The following ENOX1 variants were observed in gnomAD, a reference collection of about 807,000 sequenced individuals.
The protein encoded by ENOX1 is ecto-NOX disulfide-thiol exchanger 1, also known as candidate growth-related and time keeping constitutive hydroquinone (NADH) oxidase.
ENOX1 carries 42 observed loss-of-function variants against 82.5 expected under a neutral mutation model. The observed-to-expected ratio is 0.51, with a 90% CI of 0.40 to 0.66. The LOEUF is 0.66. ENOX1 is among the 30% of genes least tolerant of loss of function. The pLI is 0.00. For synonymous variants in ENOX1, 271 were observed against 282.2 expected (o/e 0.96, Z 0.40); for missense variants, 608 against 811.6 (o/e 0.75, Z 3.05).
At chr13:43,586,715 G>A (rs1429914717) in intron 2 of ENOX1, among the ~76,000 whole-genome samples, 4 of 152,040 alleles carry the variant, frequency 2.6e-5, no homozygotes, top group Non-Finnish European at 5.9e-5. Context: ...GTTGATACCC[G>A]CCCAGTCAGA....
chr13:43,295,046 G>C (rs1221768698), intron 12 of ENOX1, among the ~76,000 whole-genome samples: 1 of 152,190 alleles, frequency 6.6e-6, no homozygotes. Flanking sequence ...TTACGTGACT[G>C]TATGCATTTG....
chr13:43,377,876 G>C (rs891261532), intron 5 of ENOX1, among the ~76,000 whole-genome samples: 1 of 152,106 alleles, frequency 6.6e-6, no homozygotes, highest in Non-Finnish European at 1.5e-5. Flanking sequence ...CAGAACACAG[G>C]ACAAGATGGA....
chr13:43,297,744 G>C (rs2046355632), intron 12 of ENOX1, among the ~76,000 whole-genome samples: 1 of 151,900 alleles, frequency 6.6e-6, no homozygotes, highest in Non-Finnish European at 1.5e-5. Flanking sequence ...TTTAAATTCA[G>C]TATGCCAGGA....
At chr13:43,574,725 C>G (rs1209504851) in intron 2 of ENOX1, among the ~76,000 whole-genome samples, 1 of 152,146 alleles carries the variant, frequency 6.6e-6, no homozygotes, top group Non-Finnish European at 1.5e-5. Flanking sequence ...ATCTGCCATG[C>G]CTGAATTATC....
chr13:43,544,271 T>C (rs796216739), intron 2 of ENOX1: 30 of 152,346 alleles, frequency 2.0e-4, no homozygotes, highest in African/African-American at 7.2e-4. Flanking sequence ...TCTCTCTGAG[T>C]GCCAGTTTCT....
chr13:43,389,638 AAGAT>A, intron 5 of ENOX1, among the ~76,000 whole-genome samples: 1 of 152,322 alleles, frequency 6.6e-6, no homozygotes, highest in Non-Finnish European at 1.5e-5. Context: ...GGAAGAAAGA[AAGAT>A]AGATATTATT....
chr13:43,348,071 G>A (rs753643514), intron 8 of ENOX1, among the ~76,000 whole-genome samples: 3 of 152,098 alleles, frequency 2.0e-5, no homozygotes, highest in African/African-American at 4.8e-5. Flanking sequence ...ACAGCACGGC[G>A]TGCCTCCCTG....
chr13:43,713,660 T>C (rs2087896104), intron 1 of ENOX1, among the ~76,000 whole-genome samples: 1 of 152,122 alleles, frequency 6.6e-6, no homozygotes, highest in African/African-American at 2.4e-5. Context: ...ATTTGTCGAG[T>C]AATTTATCCA....
At chr13:43,408,645 A>G (rs139549897) in intron 5 of ENOX1, among the ~76,000 whole-genome samples, 120 of 150,720 alleles carry the variant, frequency 8.0e-4, no homozygotes, top group African/African-American at 2.8e-3. Flanking sequence ...ATAGTGCTGC[A>G]CACCAGGTAC....
At chr13:43,263,827 T>C (rs1355401474) in intron 14 of ENOX1, among the ~76,000 whole-genome samples, 1 of 152,194 alleles carries the variant, frequency 6.6e-6, no homozygotes, top group East Asian at 1.9e-4. Flanking sequence ...TGGCTGTGTG[T>C]GGAGTGGATA....
At chr13:43,693,576 T>C (rs557122991) in intron 1 of ENOX1, among the ~76,000 whole-genome samples, 1 of 152,218 alleles carries the variant, frequency 6.6e-6, no homozygotes, top group Non-Finnish European at 1.5e-5. Flanking sequence ...CTGTTTCATA[T>C]CCATTCAACT....
At chr13:43,703,304 A>C (rs1176991429) in intron 1 of ENOX1, among the ~76,000 whole-genome samples, 1 of 152,154 alleles carries the variant, frequency 6.6e-6, no homozygotes, top group African/African-American at 2.4e-5. Context: ...CCTCTGTAGA[A>C]ACATAAAGAG....
intron 1 of ENOX1, among the ~76,000 whole-genome samples, chr13:43,713,690 T>A (rs1449076869): frequency 1.3e-5 from 2 of 152,276 alleles, no homozygotes; most frequent in East Asian, 3.9e-4. Flanking sequence ...GATTTTCTAG[T>A]TTATTTGCAT....
At chr13:43,642,046 ATAT>A (rs1183044995) in intron 2 of ENOX1, among the ~76,000 whole-genome samples, 4 of 152,226 alleles carry the variant, frequency 2.6e-5, no homozygotes, top group African/African-American at 4.8e-5. Context: ...AGATCATTAG[ATAT>A]TATTATCATC....
chr13:43,785,524 T>C (rs2153859034), intron 1 of ENOX1, among the ~76,000 whole-genome samples: 1 of 152,260 alleles, frequency 6.6e-6, no homozygotes, highest in South Asian at 2.1e-4. Context: ...ACCAAACAAA[T>C]GCAATCTTAA....
In ENOX1 at chr13:43,213,893, T is replaced by G; in HGVS notation, c.*97A>C. On this transcript the variant is annotated 3_prime_UTR_variant, in exon 17 of 17. Transcript: ENST00000690772. ...CAGGCTTCGATGGCTCCACAAAGGT[T>G]GCGTGCTGGACCAACCCCACACCTC... 2.2e-6 allele frequency: 3 copies of G among 1,390,088 alleles called. No homozygotes were observed. Among genetic ancestry groups the G allele is most frequent in the Non-Finnish European group, 2.9e-6 (3 of 1,033,566 alleles). 86.1% of individuals were successfully genotyped at this position (1,390,088 alleles called of 1,614,324 possible). A position where few individuals can be genotyped will look rare whatever the true frequency, so the allele number is the denominator to read the frequency against.
chr13:43,449,621 TCA>T (rs1198001125), intron 3 of ENOX1, among the ~76,000 whole-genome samples: 2 of 152,172 alleles, frequency 1.3e-5, no homozygotes, highest in Non-Finnish European at 2.9e-5. Context: ...TCTTCTATTC[TCA>T]CAGTCTTACC....
chr13:43,231,880 G>T lies in ENOX1; in HGVS notation c.1714+4756C>A, dbSNP rs117598119. On this transcript the variant is annotated intron_variant, in intron 15 of 16. Coordinates refer to ENST00000690772, the MANE Select transcript of ENOX1 (RefSeq NM_001347969.2). Reference sequence around the variant, plus strand: ...TCAAAACATAGTACCAGATATGCCTGCTTTAGCATCCTCTCAGATATTAGT... The same window carrying T: ...TCAAAACATAGTACCAGATATGCCTTCTTTAGCATCCTCTCAGATATTAGT... Among the ~76,000 whole-genome samples the T allele has an allele frequency of 2.9e-3, 447 of 152,254 alleles. 1 individual carries two copies. The highest frequency in any genetic ancestry group is 4.9e-3 in the Non-Finnish European group (336 of 68,020).
intron 5 of ENOX1, 57 bp downstream of exon 5, chr13:43,411,859 G>GTCACCTACACC: frequency 6.3e-7 from 1 of 1,596,462 alleles, no homozygotes; most frequent in Non-Finnish European, 8.6e-7. Context: ...CCAGGCACCT[G>GTCACCTACACC]TCACCTACAC....
Sources: gnomAD v4.1 joint callset for allele counts (sites outside exome capture counted in the v4.1 genomes callset) on GRCh38, gnomAD v4.1.1 for gene constraint, MANE v1.5 for transcripts, NCBI Gene and HGNC (gene_info 2026-07-23, HGNC 2026-07-21) for gene names.